The following ADGRF5 variants were observed in gnomAD, a reference collection of about 807,000 sequenced individuals.
ADGRF5 encodes the protein adhesion G protein-coupled receptor F5, also known as G-protein coupled receptor 116.
ADGRF5 carries 75 observed loss-of-function variants against 132.3 expected under a neutral mutation model. That is an observed-to-expected ratio of 0.57 (90% CI 0.47 to 0.69). The LOEUF is 0.69. Among genes scored for constraint, ADGRF5 ranks in the 30% least tolerant of loss-of-function variants. ADGRF5 has a pLI of 0.00. For missense variants in ADGRF5, 1,516 were observed against 1,630.6 expected (o/e 0.93, Z 1.21); for synonymous variants, 629 against 597.6 (o/e 1.05, Z -0.77).
intron 1 of ADGRF5, among the ~76,000 whole-genome samples, chr6:46,940,439 T>C (rs985793269): frequency 6.6e-6 from 1 of 152,180 alleles, no homozygotes; most frequent in Non-Finnish European, 1.5e-5. Flanking sequence ...TTTGAGGGCA[T>C]TTTGGATTTC....
At chr6:46,865,979 C>T (rs1226845157) in intron 13 of ADGRF5, among the ~76,000 whole-genome samples, 1 of 130,474 alleles carries the variant, frequency 7.7e-6, no homozygotes, top group South Asian at 2.8e-4. Flanking sequence ...CTTGTAAATC[C>T]CTCATGAAGT....
intron 8 of ADGRF5, among the ~76,000 whole-genome samples, chr6:46,880,962 T>C (rs1260707605): frequency 6.6e-6 from 1 of 151,638 alleles, no homozygotes; most frequent in Non-Finnish European, 1.5e-5. Flanking sequence ...TAGCTGAGTA[T>C]GGAGGTGTGC....
At chr6:46,910,709 A>AAC (rs1775863220) in intron 1 of ADGRF5, among the ~76,000 whole-genome samples, 2 of 151,548 alleles carry the variant, frequency 1.3e-5, no homozygotes, top group African/African-American at 2.4e-5. Flanking sequence ...AACCAACCAA[A>AAC]CAAACAAACA....
At chr6:46,867,504 G>A (rs1770584054) in intron 12 of ADGRF5, among the ~76,000 whole-genome samples, 1 of 152,162 alleles carries the variant, frequency 6.6e-6, no homozygotes. Context: ...CAGAGGTGGG[G>A]AGTTTTTTGA....
At chr6:46,863,309 C>T (rs746489557) in intron 14 of ADGRF5, 13 of 660,116 alleles carry the variant, frequency 2.0e-5, no homozygotes, top group Middle Eastern at 4.8e-4. Context: ...GTAATCGGAA[C>T]TTCCTTTTCC....
chr6:46,885,737 G>C (rs181862133), intron 4 of ADGRF5, among the ~76,000 whole-genome samples: 27 of 152,314 alleles, frequency 1.8e-4, no homozygotes, highest in African/African-American at 6.5e-4. Flanking sequence ...GCTGCAGGAT[G>C]TATGTTAGAG....
intron 3 of ADGRF5, among the ~76,000 whole-genome samples, chr6:46,895,535 G>A (rs930455213): frequency 3.3e-5 from 5 of 151,194 alleles, no homozygotes; most frequent in African/African-American, 1.2e-4. Context: ...GAAAGGGCAG[G>A]ATTTCCGTGC....
At chr6:46,954,192 C>T (rs1778635932) in intron 1 of ADGRF5, among the ~76,000 whole-genome samples, 1 of 151,848 alleles carries the variant, frequency 6.6e-6, no homozygotes, top group Admixed American at 6.6e-5. Flanking sequence ...ACTGTTTAAC[C>T]ACAAATTCTA....
chr6:46,881,014 C>T (rs76985475), intron 8 of ADGRF5, among the ~76,000 whole-genome samples: 7,629 of 152,040 alleles, frequency 0.05, 200 homozygotes, highest in Middle Eastern at 0.068. Context: ...GCAGGAGGAT[C>T]GCTTGAGCAA....
chr6:46,952,298 G>A (rs1582095103), intron 1 of ADGRF5, among the ~76,000 whole-genome samples: 1 of 152,188 alleles, frequency 6.6e-6, no homozygotes, highest in African/African-American at 2.4e-5. Context: ...TGAAAGAGAG[G>A]TAGCATAGAG....
At chr6:46,892,155 TACACACACACACACACACACACACACAC>T (rs66857908) in intron 3 of ADGRF5, among the ~76,000 whole-genome samples, 11 of 136,304 alleles carry the variant, frequency 8.1e-5, no homozygotes, top group South Asian at 5.1e-4. Context: ...AATACACAAA[TACACACACACACACACACACACACACAC>T]ACACACACAC....
At chr6:46,953,665 A>ATATATAGATATATG (rs1272854820) in intron 1 of ADGRF5, among the ~76,000 whole-genome samples, 3 of 131,424 alleles carry the variant, frequency 2.3e-5, no homozygotes, top group African/African-American at 9.2e-5. Flanking sequence ...ATATATATAT[A>ATATATAGATATATG]TATATATATA....
chr6:46,885,690 G>A (rs919618361), intron 4 of ADGRF5, among the ~76,000 whole-genome samples: 1 of 152,168 alleles, frequency 6.6e-6, no homozygotes, highest in Non-Finnish European at 1.5e-5. Context: ...CCCAGAGTGA[G>A]CAAAAAGGAC....
At chr6:46,902,026 G>A (rs1202171444) in intron 2 of ADGRF5, among the ~76,000 whole-genome samples, 1 of 152,212 alleles carries the variant, frequency 6.6e-6, no homozygotes, top group Non-Finnish European at 1.5e-5. Flanking sequence ...CGTTCTTGAA[G>A]AAATAAATAG....
At chr6:46,854,612 A>T (rs475991) in intron 20 of ADGRF5, 1 of 603,144 alleles carries the variant, frequency 1.7e-6, no homozygotes, top group Non-Finnish European at 2.8e-6. Context: ...AGGCAGCCTC[A>T]GAGCAACTGC....
intron 1 of ADGRF5, among the ~76,000 whole-genome samples, chr6:46,932,163 T>C (rs1777583398): frequency 6.6e-6 from 1 of 152,224 alleles, no homozygotes; most frequent in Non-Finnish European, 1.5e-5. Context: ...TTTATTCATG[T>C]GCAGTACATG....
At chr6:46,857,188 T>C (rs1332982404) in intron 17 of ADGRF5, among the ~76,000 whole-genome samples, 1 of 152,242 alleles carries the variant, frequency 6.6e-6, no homozygotes. Context: ...ACCTCTTGTG[T>C]CTACAATATT....
intron 2 of ADGRF5, chr6:46,905,175 C>T (rs1034200356): frequency 2.0e-5 from 3 of 152,214 alleles, no homozygotes; most frequent in African/African-American, 7.2e-5. Flanking sequence ...GGCTTTTACC[C>T]CACCTGCCTT....
In ADGRF5 at chr6:46,878,370, C is replaced by A. The variant is rs1772052738; in HGVS notation, c.1072G>T (p.Glu358Ter). 2 of 1,611,440 alleles carry A rather than the reference C, an allele frequency of 1.2e-6. No homozygotes were observed. Among genetic ancestry groups the A allele is most frequent in the Non-Finnish European group, 1.7e-6 (2 of 1,177,806 alleles). ...YVCKLILDIF[E>*]YECKKKIDVM... is the part of the protein sequence containing the mutation. ...TCTATTTTCTTCTTGCACTCATATT[C>A]AAAAATGTCTAATATCAGTTTGCAA... Residue 358 changes from glutamate to a stop codon, truncating the protein, a stop_gained, in exon 10 of 21, where the codon GAA becomes TAA. Transcript: ENST00000283296. LOFTEE classifies it high-confidence loss of function.
Sources: allele counts gnomAD v4.1 joint callset (sites outside exome capture counted in the v4.1 genomes callset), GRCh38; gene constraint gnomAD v4.1.1; transcripts MANE v1.5; gene names NCBI Gene and HGNC (gene_info 2026-07-23, HGNC 2026-07-21).